The following MYO9B variants were observed in gnomAD, a reference collection of about 807,000 sequenced individuals.
MYO9B encodes the protein unconventional myosin-IXb.
A neutral mutation model predicts 229.5 loss-of-function variants in MYO9B; 71 were observed. The observed-to-expected ratio is 0.31, with a 90% CI of 0.26 to 0.38. The LOEUF is 0.38. Ranked by LOEUF, MYO9B falls within the 10% of genes least tolerant of loss-of-function variation. MYO9B has a pLI of 1.00. For missense variants in MYO9B, 2,255 were observed against 2,920.5 expected, an observed-to-expected ratio of 0.77 and a Z score of 5.25; for synonymous variants, 1,185 against 1,235.8, an observed-to-expected ratio of 0.96 and a Z score of 0.86.
chr19:17,092,434 T>A (rs1202585278), intron 1 of MYO9B, among the ~76,000 whole-genome samples: 1 of 152,174 alleles, frequency 6.6e-6, no homozygotes, highest in Non-Finnish European at 1.5e-5. Flanking sequence ...TACAAGCATA[T>A]ACGTGTGGCT....
intron 36 of MYO9B, 137 bp downstream of exon 36, chr19:17,209,846 A>C (rs968530399): frequency 2.3e-5 from 26 of 1,141,116 alleles, no homozygotes; most frequent in South Asian, 1.2e-4. Flanking sequence ...GGTGGGCAGG[A>C]CCTCCCATGC....
At chr19:17,197,145 C>T (rs961621047) in intron 22 of MYO9B, among the ~76,000 whole-genome samples, 3 of 151,942 alleles carry the variant, frequency 2.0e-5, no homozygotes, top group Admixed American at 1.3e-4. Flanking sequence ...GATGTGTTGG[C>T]GCATGCCTCT....
At chr19:17,138,382 G>A (rs1002743786) in intron 2 of MYO9B, among the ~76,000 whole-genome samples, 3 of 152,094 alleles carry the variant, frequency 2.0e-5, no homozygotes, top group Admixed American at 6.6e-5. Flanking sequence ...TATCTCTATC[G>A]CAGAATGATT....
At chr19:17,152,517 T>C (rs992426914) in intron 3 of MYO9B, 127 bp from the exon 4 acceptor site, 4 of 679,076 alleles carry the variant, frequency 5.9e-6, no homozygotes, top group African/African-American at 5.6e-5. Flanking sequence ...GAGCCGAGAT[T>C]GTGCCGTTGT....
At chr19:17,130,300 A>G (rs1400298763) in intron 2 of MYO9B, among the ~76,000 whole-genome samples, 1 of 151,750 alleles carries the variant, frequency 6.6e-6, no homozygotes, top group Admixed American at 6.6e-5. Flanking sequence ...GCAAGACCCC[A>G]TCTCTACTAC....
At chr19:17,180,348 T>C (rs1467891011) in intron 14 of MYO9B, among the ~76,000 whole-genome samples, 2 of 121,324 alleles carry the variant, frequency 1.6e-5, no homozygotes. Flanking sequence ...ATAATTTTTT[T>C]TTTTTTTTTT....
At chr19:17,197,402 TAGATGATA>T (rs773066892) in intron 22 of MYO9B, among the ~76,000 whole-genome samples, 5 of 142,056 alleles carry the variant, frequency 3.5e-5, no homozygotes, top group Non-Finnish European at 7.6e-5. Context: ...GATGGATAGA[TAGATGATA>T]GATAGATAGA....
At chr19:17,109,936 C>T (rs75416684) in intron 2 of MYO9B, among the ~76,000 whole-genome samples, 9,830 of 152,282 alleles carry the variant, frequency 0.065, 340 homozygotes, top group South Asian at 0.11. Flanking sequence ...CACAAGTCAA[C>T]CCACTGCAGG....
intron 14 of MYO9B, among the ~76,000 whole-genome samples, chr19:17,176,000 T>G (rs1475790663): frequency 6.7e-6 from 1 of 149,938 alleles, no homozygotes; most frequent in East Asian, 2.0e-4. Flanking sequence ...GCCCAGCTAA[T>G]TTTGTTTTGT....
chr19:17,168,325 C>T (rs1215443944), intron 11 of MYO9B, among the ~76,000 whole-genome samples: 2 of 152,116 alleles, frequency 1.3e-5, no homozygotes, highest in African/African-American at 4.8e-5. Context: ...CCACCATACC[C>T]GGCTAATTTT....
chr19:17,135,541 C>A (rs1478656235), intron 2 of MYO9B, among the ~76,000 whole-genome samples: 1 of 152,266 alleles, frequency 6.6e-6, no homozygotes, highest in Non-Finnish European at 1.5e-5. Context: ...TAGCACCCCT[C>A]GCTGCGAGCG....
Position 17,116,627 on chromosome 19 carries a change from C to G in MYO9B, c.840+14070C>G, listed in dbSNP as rs550087767. On this transcript the variant is annotated intron_variant, in intron 2 of 39. Coordinates refer to ENST00000682292, the MANE Select transcript of MYO9B (RefSeq NM_004145.4). ...AAACCAGCAGGCCTGGGTGTTCCCC[C>G]CACAGAGCACAGAGAGCAGCAGGCG... Among the ~76,000 whole-genome samples, 7 of 152,308 alleles carry G rather than the reference C, an allele frequency of 4.6e-5. No homozygotes were observed. In the South Asian group the frequency reaches 1.0e-3, roughly 23 times the overall value.
At chr19:17,129,722 C>T (rs1245763930) in intron 2 of MYO9B, among the ~76,000 whole-genome samples, 1 of 152,208 alleles carries the variant, frequency 6.6e-6, no homozygotes, top group Non-Finnish European at 1.5e-5. Context: ...ACAGTATATG[C>T]CCCTAGTGGG....
At chr19:17,103,726 GTCA>G (rs1474895329) in intron 2 of MYO9B, 1 of 152,084 alleles carries the variant, frequency 6.6e-6, no homozygotes, top group Non-Finnish European at 1.5e-5. Flanking sequence ...TCTCCCTGGG[GTCA>G]GCCAGGCCCC....
chr19:17,083,208 G>A (rs538738100), intron 1 of MYO9B, among the ~76,000 whole-genome samples: 29 of 151,854 alleles, frequency 1.9e-4, no homozygotes, highest in Admixed American at 4.6e-4. Context: ...GCTAATTTTT[G>A]TATTGTTTAT....
rs141510246 is a variant in MYO9B at position 17,194,127 on chromosome 19, G to A, written c.3129-429G>A. On this transcript the variant is annotated intron_variant, in intron 21 of 39. Transcript: ENST00000682292. ...GCAGAGGTCGCAGCAAGCCAAGATC[G>A]TGCCACTGCATTCCAGCCTGGACAA... Among the ~76,000 whole-genome samples, 106 of 151,934 alleles carry A rather than the reference G, an allele frequency of 7.0e-4. 1 individual carries two copies. Among genetic ancestry groups the A allele is most frequent in the East Asian group, 1.7e-3 (9 of 5,176 alleles).
chr19:17,120,806 A>G (rs1172899481), intron 2 of MYO9B, among the ~76,000 whole-genome samples: 2 of 152,146 alleles, frequency 1.3e-5, no homozygotes. Context: ...AGAGAGATAT[A>G]TAACAGCAGA....
Position 17,213,140 on chromosome 19 carries a change from C to T in MYO9B, c.*830C>T, listed in dbSNP as rs2073250274. On this transcript the variant is annotated 3_prime_UTR_variant, in exon 40 of 40. Coordinates refer to ENST00000682292, the MANE Select transcript of MYO9B (RefSeq NM_004145.4). ...GGGCAACGCCTGAAGTCAGACCTCCCTATAGGTCAACAGGGACAACCTGGG... is the reference window on the plus strand; with the variant it reads ...GGGCAACGCCTGAAGTCAGACCTCCTTATAGGTCAACAGGGACAACCTGGG... 6.6e-6 allele frequency: 1 copy of T among 152,284 alleles called. No homozygotes were observed. Among genetic ancestry groups the T allele is most frequent in the African/African-American group, 2.4e-5 (1 of 41,476 alleles). The allele number at this position is 152,284 out of a possible 1,614,324, so 9.4% of individuals were successfully genotyped here. A position where few individuals can be genotyped will look rare whatever the true frequency, so the allele number is the denominator to read the frequency against.
intron 38 of MYO9B, 84 bp from the exon 39 acceptor site, chr19:17,211,563 G>A (rs1410640726): frequency 3.5e-5 from 45 of 1,287,586 alleles, no homozygotes; most frequent in Non-Finnish European, 4.7e-5. Context: ...GTTACATCTA[G>A]GAGCAGGACA....
Sources: gnomAD v4.1 joint callset for allele counts (sites outside exome capture counted in the v4.1 genomes callset) on GRCh38, gnomAD v4.1.1 for gene constraint, MANE v1.5 for transcripts, NCBI Gene and HGNC (gene_info 2026-07-23, HGNC 2026-07-21) for gene names.